SERPINI1: variants seen among roughly 807,000 people sequenced by gnomAD.
SERPINI1 encodes serpin family I member 1.
SERPINI1 carries 19 observed loss-of-function variants against 41.1 expected under a neutral mutation model. The ratio of observed to expected loss-of-function variants is 0.46; its 90% CI spans 0.32 to 0.68. SERPINI1 has a LOEUF of 0.68. SERPINI1 is among the 30% of genes least tolerant of loss of function. The pLI is 0.03. For synonymous variants in SERPINI1, 138 were observed against 156.6 expected, an observed-to-expected ratio of 0.88 and a Z score of 0.89; for missense variants, 460 against 479.2, an observed-to-expected ratio of 0.96 and a Z score of 0.37.
intron 1 of SERPINI1, among the ~76,000 whole-genome samples, chr3:167,748,772 G>A (rs1182476342): frequency 6.6e-6 from 1 of 151,400 alleles, no homozygotes; most frequent in Admixed American, 6.6e-5. Context: ...GTGTGTGTGT[G>A]TGTGTGTGTG....
At chr3:167,754,316 A>G (rs1361098561) in intron 1 of SERPINI1, among the ~76,000 whole-genome samples, 3 of 152,232 alleles carry the variant, frequency 2.0e-5, no homozygotes, top group South Asian at 2.1e-4. Flanking sequence ...ACAGAGATGC[A>G]TCTTCAGCAA....
At chr3:167,802,887 A>T (rs951832094) in intron 5 of SERPINI1, among the ~76,000 whole-genome samples, 35 of 150,510 alleles carry the variant, frequency 2.3e-4, no homozygotes, top group Non-Finnish European at 1.5e-5. Context: ...CAAATGTCCA[A>T]CAATGATAGA....
chr3:167,772,978 G>GTATATATATA (rs887711039), intron 1 of SERPINI1, among the ~76,000 whole-genome samples: 1 of 135,728 alleles, frequency 7.4e-6, no homozygotes, highest in African/African-American at 2.7e-5. Context: ...GTATATATAT[G>GTATATATATA]TATATATATA....
chr3:167,793,838 A>ATG (rs56401913), intron 4 of SERPINI1, among the ~76,000 whole-genome samples: 17,837 of 141,208 alleles, frequency 0.13, 1,406 homozygotes, highest in East Asian at 0.38. Flanking sequence ...GGCCATATGT[A>ATG]TGTGTGTGTG....
rs567043099 is a variant in SERPINI1 at position 167,790,570 on chromosome 3, A to G, written c.449A>G (p.Tyr150Cys). 9.9e-6 allele frequency: 16 copies of G among 1,613,734 alleles called. No individual in the cohort carries two copies. The highest frequency in any genetic ancestry group is 3.3e-5 in the South Asian group (3 of 91,066). ...AGTCAAAATGTAGCCGTGGCCAACT[A>G]CATCAATAAGTGGGTGGAGAATAAC... ...DFSQNVAVAN[Y>C]INKWVENNTN... is the part of the protein sequence containing the mutation. Residue 150 changes from tyrosine (Y) to cysteine (C), a missense_variant, in exon 3 of 9, where the codon TAC becomes TGC. Coordinates refer to ENST00000446050, the MANE Select transcript of SERPINI1 (RefSeq NM_001122752.2).
intron 5 of SERPINI1, among the ~76,000 whole-genome samples, chr3:167,800,435 T>C (rs984742408): frequency 1.8e-4 from 27 of 152,346 alleles, no homozygotes; most frequent in African/African-American, 5.8e-4. Flanking sequence ...TACTTCTCTC[T>C]AAATTGAGTT....
intron 6 of SERPINI1, among the ~76,000 whole-genome samples, chr3:167,810,531 A>G (rs1320132381): frequency 2.0e-5 from 3 of 152,214 alleles, no homozygotes; most frequent in East Asian, 3.8e-4. Context: ...AAAGTAAAGC[A>G]TATACCTTAA....
intron 6 of SERPINI1, among the ~76,000 whole-genome samples, chr3:167,811,064 A>G (rs1711859721): frequency 6.6e-6 from 1 of 152,008 alleles, no homozygotes; most frequent in Non-Finnish European, 1.5e-5. Flanking sequence ...TACCACATCC[A>G]CAGTTACTTC....
intron 3 of SERPINI1, among the ~76,000 whole-genome samples, chr3:167,791,182 G>A (rs1336675101): frequency 6.6e-6 from 1 of 152,002 alleles, no homozygotes; most frequent in South Asian, 2.1e-4. Context: ...GTTTCCAAAT[G>A]TTTCATATTT....
chr3:167,816,146 T>C (rs980314185), intron 6 of SERPINI1, among the ~76,000 whole-genome samples: 1 of 152,080 alleles, frequency 6.6e-6, no homozygotes, highest in Non-Finnish European at 1.5e-5. Flanking sequence ...TGAGCTCAGG[T>C]GATCCTCCCA....
chr3:167,773,516 T>A (rs908867038), intron 1 of SERPINI1, among the ~76,000 whole-genome samples: 2 of 152,206 alleles, frequency 1.3e-5, no homozygotes, highest in African/African-American at 4.8e-5. Flanking sequence ...ATAAATGTTG[T>A]CCTGAAAATT....
chr3:167,793,941 C>A (rs545940949), intron 4 of SERPINI1, among the ~76,000 whole-genome samples: 1 of 150,556 alleles, frequency 6.6e-6, no homozygotes, highest in African/African-American at 2.4e-5. Context: ...TTGGAGATAT[C>A]AATATTCACA....
chr3:167,750,279 G>T (rs969392928), intron 1 of SERPINI1, among the ~76,000 whole-genome samples: 1 of 152,112 alleles, frequency 6.6e-6, no homozygotes, highest in Non-Finnish European at 1.5e-5. Flanking sequence ...TTTCAGAAAT[G>T]TGCATATGAA....
intron 1 of SERPINI1, among the ~76,000 whole-genome samples, chr3:167,763,233 A>T (rs1308127359): frequency 1.3e-5 from 2 of 152,174 alleles, no homozygotes; most frequent in Non-Finnish European, 2.9e-5. Context: ...TGCTAGAAAA[A>T]AAAGATAAAA....
At chr3:167,753,948 A>C (rs778059335) in intron 1 of SERPINI1, among the ~76,000 whole-genome samples, 2 of 152,212 alleles carry the variant, frequency 1.3e-5, no homozygotes, top group Non-Finnish European at 2.9e-5. Flanking sequence ...CTTGGATTCA[A>C]TTTTAAAGGC....
intron 1 of SERPINI1, among the ~76,000 whole-genome samples, chr3:167,750,262 A>G (rs1726000981): frequency 6.6e-6 from 1 of 152,206 alleles, no homozygotes; most frequent in Non-Finnish European, 1.5e-5. Flanking sequence ...CAGCACTGAA[A>G]TGTCTGTTTC....
intron 3 of SERPINI1, 58 bp downstream of exon 3, chr3:167,790,660 C>T: frequency 8.0e-7 from 1 of 1,254,574 alleles, no homozygotes; most frequent in South Asian, 1.2e-5. Context: ...TCTTTAACTT[C>T]TGAAAGTATT....
chr3:167,789,361 A>G lies in SERPINI1; in HGVS notation c.233A>G (p.Tyr78Cys). 2 of 1,614,114 alleles carry G rather than the reference A, an allele frequency of 1.2e-6. No homozygotes were observed. Among genetic ancestry groups the G allele is most frequent in the Non-Finnish European group, 1.7e-6 (2 of 1,179,964 alleles). The stretch of plus-strand genomic sequence containing the variant: ...AAAGAAATCCGCCACTCAATGGGAT[A>G]TGACAGCCTAAAAAATGGTAAGAGT... The part of the protein sequence containing the change: ...TQKEIRHSMG[Y>C]DSLKNGEEFS... Residue 78 changes from tyrosine (Y) to cysteine (C), a missense_variant, in exon 2 of 9, where the codon TAT (tyrosine) becomes TGT (cysteine). By Grantham distance (194) the Tyr-to-Cys change is radical. Transcript: ENST00000446050.
intron 5 of SERPINI1, among the ~76,000 whole-genome samples, chr3:167,798,694 C>T (rs558988816): frequency 5.9e-5 from 9 of 152,176 alleles, no homozygotes; most frequent in Non-Finnish European, 1.2e-4. Flanking sequence ...ACTTTTACTT[C>T]CTATTTTGCT....
Sources: gnomAD v4.1 joint callset for allele counts (sites outside exome capture counted in the v4.1 genomes callset) on GRCh38, gnomAD v4.1.1 for gene constraint, MANE v1.5 for transcripts, NCBI Gene and HGNC (gene_info 2026-07-23, HGNC 2026-07-21) for gene names.